The following SLC28A3 variants were observed in gnomAD, a reference collection of about 807,000 sequenced individuals.
SLC28A3 encodes solute carrier family 28 member 3, also known as concentrative Na(+)-nucleoside cotransporter 3.
In SLC28A3, 68 loss-of-function variants were observed where a neutral mutation model predicts 84.2. The observed-to-expected ratio is 0.81, with a 90% CI of 0.66 to 0.99. The LOEUF is 0.99. SLC28A3 is among the 50% of genes least tolerant of loss of function. The probability of loss-of-function intolerance (pLI) is 0.00; values close to 1 mark genes in which losing one functional copy is unlikely to be tolerated. For missense variants in SLC28A3, 712 were observed against 841.5 expected (o/e 0.85, Z 1.90); for synonymous variants, 267 against 303.6 (o/e 0.88, Z 1.25).
chr9:84,290,106 A>G (rs1825151362), intron 11 of SLC28A3, 48 bp downstream of exon 11: 4 of 1,593,744 alleles, frequency 2.5e-6, no homozygotes, highest in African/African-American at 1.4e-5. Context: ...AATAACAATA[A>G]TAAAGAAAGA....
Position 84,277,101 on chromosome 9 carries a change from A to ACTT in SLC28A3, c.*1114_*1116dup, listed in dbSNP as rs1364710253. On this transcript the variant is annotated 3_prime_UTR_variant, in exon 18 of 18. Transcript: ENST00000376238. ...GCAAGGTTTTCAGAGCTCAACCAGG[A>ACTT]CTTTTTTTCCTCAACTGCTTCTTAC... 2 of 152,352 alleles carry ACTT rather than the reference A, an allele frequency of 1.3e-5. No individual in the cohort carries two copies. Among genetic ancestry groups the ACTT allele is most frequent in the East Asian group, 3.9e-4 (2 of 5,186 alleles). The allele number at this position is 152,352 out of a possible 1,614,324, so 9.4% of individuals were successfully genotyped here. A position where few individuals can be genotyped will look rare whatever the true frequency, so the allele number is the denominator to read the frequency against.
chr9:84,302,924 G>T (rs1825681125), intron 4 of SLC28A3, among the ~76,000 whole-genome samples: 1 of 152,206 alleles, frequency 6.6e-6, no homozygotes, highest in Non-Finnish European at 1.5e-5. Flanking sequence ...TTGAAGAGCA[G>T]ATTCTAGGAT....
chr9:84,303,440 C>T (rs1471767587), intron 4 of SLC28A3, among the ~76,000 whole-genome samples: 1 of 152,208 alleles, frequency 6.6e-6, no homozygotes, highest in African/African-American at 2.4e-5. Flanking sequence ...CCTGCCTTAG[C>T]CTCCTGAGTA....
At chr9:84,313,730 T>C (rs760495679) in intron 1 of SLC28A3, among the ~76,000 whole-genome samples, 3 of 151,566 alleles carry the variant, frequency 2.0e-5, no homozygotes, top group African/African-American at 4.9e-5. Flanking sequence ...CTACTAAAAA[T>C]ATAAAAATTA....
At chr9:84,282,619 A>C (rs1309636018) in intron 14 of SLC28A3, among the ~76,000 whole-genome samples, 1 of 152,148 alleles carries the variant, frequency 6.6e-6, no homozygotes, top group Non-Finnish European at 1.5e-5. Flanking sequence ...TGGCCCTGTG[A>C]CTCAAGAGAT....
chr9:84,295,070 C>A (rs555969193), intron 8 of SLC28A3, among the ~76,000 whole-genome samples: 2 of 152,210 alleles, frequency 1.3e-5, no homozygotes, highest in South Asian at 4.1e-4. Context: ...TGTGAGTCCC[C>A]CTCAATAAAC....
intron 14 of SLC28A3, among the ~76,000 whole-genome samples, chr9:84,281,088 A>G (rs1271062844): frequency 6.6e-6 from 1 of 152,170 alleles, no homozygotes; most frequent in Non-Finnish European, 1.5e-5. Flanking sequence ...GTGTGGACTC[A>G]GTGACTCTCT....
intron 1 of SLC28A3, among the ~76,000 whole-genome samples, chr9:84,329,771 T>C (rs1013481502): frequency 6.6e-6 from 1 of 152,072 alleles, no homozygotes; most frequent in Admixed American, 6.6e-5. Flanking sequence ...CAGTGATGCA[T>C]GCCTGTAGTC....
the SLC28A3 span, among the ~76,000 whole-genome samples, chr9:84,352,841 C>T: frequency 3.0e-5 from 4 of 132,818 alleles, no homozygotes; most frequent in East Asian, 9.0e-4. Context: ...TGCAGTGAGC[C>T]AAGATCGCAC....
the SLC28A3 span, among the ~76,000 whole-genome samples, chr9:84,365,464 G>C: frequency 5.9e-5 from 9 of 151,906 alleles, no homozygotes; most frequent in African/African-American, 1.9e-4. Context: ...TCACTTTGTT[G>C]CTATTTTTCC....
In SLC28A3 at chr9:84,313,405, ATTGAG is replaced by A. The variant is rs1281588915; in HGVS notation, c.105_109del (p.Ser36LysfsTer17). The A allele has an allele frequency of 6.2e-7, 1 of 1,614,078 alleles. No individual in the cohort carries two copies. The highest frequency in any genetic ancestry group is 1.7e-5 in the Admixed American group (1 of 60,012). ...CCTGCTTTGCACAGCTCTGCTTCTT[ATTGAG>A]TTGTTTCCTGATGTGTTCTCGTTCT... On this transcript the variant is annotated frameshift_variant, in exon 2 of 18. Coordinates refer to ENST00000376238, the MANE Select transcript of SLC28A3 (RefSeq NM_001199633.2). LOFTEE classifies it high-confidence loss of function.
At chr9:84,330,929 C>G (rs1472159701) in intron 1 of SLC28A3, among the ~76,000 whole-genome samples, 2 of 152,138 alleles carry the variant, frequency 1.3e-5, no homozygotes. Flanking sequence ...CTTTAGCCCT[C>G]AGCAAAAATG....
At chr9:84,331,463 C>G (rs1249505708) in intron 1 of SLC28A3, among the ~76,000 whole-genome samples, 2 of 152,162 alleles carry the variant, frequency 1.3e-5, no homozygotes, top group African/African-American at 2.4e-5. Context: ...GGTTTGGATC[C>G]CTGATGGACT....
chr9:84,318,482 A>G (rs1198546937), intron 1 of SLC28A3, among the ~76,000 whole-genome samples: 1 of 152,174 alleles, frequency 6.6e-6, no homozygotes, highest in Non-Finnish European at 1.5e-5. Flanking sequence ...GGGAAAGGGG[A>G]AAGAGAGGGA....
intron 1 of SLC28A3, among the ~76,000 whole-genome samples, chr9:84,320,378 T>C (rs979805118): frequency 1.3e-5 from 2 of 152,052 alleles, no homozygotes; most frequent in South Asian, 2.1e-4. Flanking sequence ...TACTACTCCA[T>C]GGAAATCACC....
intron 6 of SLC28A3, among the ~76,000 whole-genome samples, 158 bp downstream of exon 6, chr9:84,299,423 A>G (rs1385861736): frequency 6.6e-6 from 1 of 152,200 alleles, no homozygotes; most frequent in Non-Finnish European, 1.5e-5. Context: ...GTACCATGAA[A>G]GTTCAGGAAG....
At chr9:84,368,177 C>T in the SLC28A3 span, among the ~76,000 whole-genome samples, 1 of 152,052 alleles carries the variant, frequency 6.6e-6, no homozygotes, top group Non-Finnish European at 1.5e-5. Flanking sequence ...TAATAAAGGA[C>T]GGAGAATGGA....
intron 1 of SLC28A3, among the ~76,000 whole-genome samples, chr9:84,334,488 A>C (rs935984729): frequency 3.3e-5 from 5 of 152,192 alleles, no homozygotes; most frequent in Non-Finnish European, 7.3e-5. Flanking sequence ...ACCCCAGGGA[A>C]GGGAGGCAGC....
chr9:84,322,754 G>T (rs139223256), intron 1 of SLC28A3, among the ~76,000 whole-genome samples: 1 of 152,002 alleles, frequency 6.6e-6, no homozygotes, highest in African/African-American at 2.4e-5. Flanking sequence ...CATGAGAATC[G>T]CTTGAGCCCA....
Sources: gnomAD v4.1 joint callset for allele counts (sites outside exome capture counted in the v4.1 genomes callset) on GRCh38, gnomAD v4.1.1 for gene constraint, MANE v1.5 for transcripts, NCBI Gene and HGNC (gene_info 2026-07-23, HGNC 2026-07-21) for gene names.